The following CCNJL variants were observed in gnomAD, a reference collection of about 807,000 sequenced individuals.
The protein encoded by CCNJL is cyclin-J-like protein.
In CCNJL, 33 loss-of-function variants were observed where a neutral mutation model predicts 33.4. The ratio of observed to expected loss-of-function variants is 0.99; its 90% CI spans 0.75 to 1.32. The LOEUF is 1.32. Ranked by LOEUF, CCNJL falls within the 40% of genes most tolerant of loss-of-function variation. The pLI, the probability that CCNJL is intolerant of heterozygous loss-of-function variation, is 0.00. For missense variants in CCNJL, 512 were observed against 499.7 expected (o/e 1.02, Z -0.23); for synonymous variants, 227 against 220.9 (o/e 1.03, Z -0.24).
rs570074514 is a variant in CCNJL, at chr5:160,272,330, A to T, written c.280+8195T>A. ...AGGGGAGTGATGCTGGTTTACTGGG[A>T]GGAAGACAGGCCTCTCCTAGAATCT... On this transcript the variant is annotated intron_variant, in intron 3 of 5. Coordinates refer to ENST00000257536, the MANE Select transcript of CCNJL (RefSeq NM_001308173.3). 9.2e-5 allele frequency among the ~76,000 whole-genome samples: 14 copies of T among 152,254 alleles called. No individual in the cohort carries two copies. The East Asian group carries it at 2.7e-3, about 29-fold the overall frequency.
Position 160,303,714 on chromosome 5 carries a change from G to GTGTA in CCNJL, c.66+8143_66+8144insTACA, listed in dbSNP as rs1323376621. Among the ~76,000 whole-genome samples, 11 of 99,108 alleles carry GTGTA rather than the reference G, an allele frequency of 1.1e-4. No individual in the cohort carries two copies. In the South Asian group the frequency reaches 2.0e-3, roughly 18 times the overall value. 65.0% of individuals were successfully genotyped at this position (99,108 alleles called of 152,430 possible). ...CCTCTGTGTGTCTGTGTGTGTGTGT[G>GTGTA]TGTGTGTGTGTGTCTGTGTGTGTGT... On this transcript the variant is annotated intron_variant, in intron 2 of 5. Coordinates refer to ENST00000257536, the MANE Select transcript of CCNJL (RefSeq NM_001308173.3).
At chr5:160,323,550 T>C (rs1217030710) in intron 1 of CCNJL, among the ~76,000 whole-genome samples, 1 of 152,254 alleles carries the variant, frequency 6.6e-6, no homozygotes, top group African/African-American at 2.4e-5. Context: ...AACACTGAGA[T>C]GAAAATCCTA....
chr5:160,299,064 G>C (rs1485242739), intron 2 of CCNJL, among the ~76,000 whole-genome samples: 2 of 151,918 alleles, frequency 1.3e-5, no homozygotes, highest in African/African-American at 4.8e-5. Flanking sequence ...CTGCAGCCTG[G>C]ACCTCCCGTG....
intron 3 of CCNJL, among the ~76,000 whole-genome samples, chr5:160,263,815 C>A (rs1172536632): frequency 1.3e-5 from 2 of 152,068 alleles, no homozygotes; most frequent in South Asian, 2.1e-4. Context: ...CATGGATGAT[C>A]CTTTTCTGAA....
At chr5:160,276,696 A>C (rs1762025248) in intron 3 of CCNJL, among the ~76,000 whole-genome samples, 1 of 148,872 alleles carries the variant, frequency 6.7e-6, no homozygotes, top group African/African-American at 2.6e-5. Context: ...GGAAGTAGAG[A>C]GAGCGTGAAG....
At chr5:160,328,380 C>T (rs1763565688) in intron 1 of CCNJL, among the ~76,000 whole-genome samples, 1 of 152,168 alleles carries the variant, frequency 6.6e-6, no homozygotes, top group Non-Finnish European at 1.5e-5. Flanking sequence ...TGCAGAACTC[C>T]TGGCAAGTGA....
chr5:160,269,057 A>T (rs1654618013), intron 3 of CCNJL, among the ~76,000 whole-genome samples: 1 of 152,228 alleles, frequency 6.6e-6, no homozygotes, highest in South Asian at 2.1e-4. Flanking sequence ...CAGTTTTAAA[A>T]AGAGACCAGA....
At chr5:160,264,081 G>A (rs534938072) in intron 3 of CCNJL, among the ~76,000 whole-genome samples, 6 of 151,718 alleles carry the variant, frequency 4.0e-5, no homozygotes, top group Non-Finnish European at 5.9e-5. Context: ...GAGTACCTAG[G>A]TATATAGGCA....
chr5:160,297,562 C>A (rs1230795085), intron 2 of CCNJL, among the ~76,000 whole-genome samples: 19 of 151,002 alleles, frequency 1.3e-4, no homozygotes, highest in Admixed American at 1.3e-3. Context: ...CGCCTGTAAG[C>A]CCAACACTTT....
intron 3 of CCNJL, among the ~76,000 whole-genome samples, chr5:160,271,892 T>G (rs557443192): frequency 1.3e-4 from 20 of 152,350 alleles, no homozygotes; most frequent in African/African-American, 4.3e-4. Flanking sequence ...CACTCTTGCA[T>G]GAGATGTAGG....
chr5:160,259,311 T>C (rs1000032667), intron 4 of CCNJL, among the ~76,000 whole-genome samples, 158 bp downstream of exon 4: 1 of 152,206 alleles, frequency 6.6e-6, no homozygotes, highest in African/African-American at 2.4e-5. Flanking sequence ...CCTTGCCCTT[T>C]CTTTGCTTAC....
intron 2 of CCNJL, among the ~76,000 whole-genome samples, chr5:160,304,813 A>ACTTT (rs888787482): frequency 6.2e-5 from 7 of 113,102 alleles, no homozygotes; most frequent in African/African-American, 1.7e-4. Context: ...CTTGGTCACT[A>ACTTT]CTTTCTTTCT....
intron 2 of CCNJL, among the ~76,000 whole-genome samples, chr5:160,291,325 T>C (rs771999771): frequency 7.9e-5 from 12 of 152,112 alleles, no homozygotes; most frequent in Non-Finnish European, 1.8e-4. Context: ...TCCCAAGATA[T>C]GCTCCCTGAA....
At chr5:160,294,635 T>C (rs985702266) in intron 2 of CCNJL, 3 of 152,490 alleles carry the variant, frequency 2.0e-5, no homozygotes, top group African/African-American at 7.2e-5. Flanking sequence ...AACACCCCCA[T>C]ACACAACATT....
chr5:160,301,020 C>A (rs1381216054), intron 2 of CCNJL, among the ~76,000 whole-genome samples: 2 of 152,130 alleles, frequency 1.3e-5, no homozygotes, highest in Non-Finnish European at 2.9e-5. Context: ...TAAAATCATA[C>A]CCTGTGATTA....
At chr5:160,277,807 G>A (rs1368480826) in intron 3 of CCNJL, among the ~76,000 whole-genome samples, 2 of 149,212 alleles carry the variant, frequency 1.3e-5, no homozygotes, top group Non-Finnish European at 3.0e-5. Context: ...GTGCAATGGC[G>A]CCATCTTGGC....
intron 3 of CCNJL, among the ~76,000 whole-genome samples, chr5:160,280,237 G>C (rs541022040): frequency 1.3e-5 from 2 of 152,128 alleles, no homozygotes; most frequent in Non-Finnish European, 2.9e-5. Context: ...AACTGGCTTC[G>C]TCACCTCTCT....
At chr5:160,261,627 T>C (rs1024328189) in intron 3 of CCNJL, among the ~76,000 whole-genome samples, 2 of 138,160 alleles carry the variant, frequency 1.4e-5, no homozygotes, top group Non-Finnish European at 1.6e-5. Context: ...CCCCCCATAC[T>C]CCCCCCAACA....
At chr5:160,299,093 C>T (rs1008839075) in intron 2 of CCNJL, among the ~76,000 whole-genome samples, 4 of 152,128 alleles carry the variant, frequency 2.6e-5, no homozygotes, top group African/African-American at 9.7e-5. Context: ...ATCCTCCTAC[C>T]ACAGCCTTCC....
Sources: gnomAD v4.1 joint callset for allele counts (sites outside exome capture counted in the v4.1 genomes callset) on GRCh38, gnomAD v4.1.1 for gene constraint, MANE v1.5 for transcripts, NCBI Gene and HGNC (gene_info 2026-07-23, HGNC 2026-07-21) for gene names.